CELF4: variants seen among roughly 807,000 people sequenced by gnomAD.
CELF4 encodes the protein CUGBP Elav-like family member 4, also known as CUG-BP- and ETR-3-like factor 4.
In CELF4, 18 loss-of-function variants were observed where a neutral mutation model predicts 59.9. The ratio of observed to expected loss-of-function variants is 0.30; its 90% CI spans 0.21 to 0.45. The LOEUF (loss-of-function observed/expected upper bound fraction) is 0.45. Among genes scored for constraint, CELF4 ranks in the 20% least tolerant of loss-of-function variants. The pLI is 1.00. For synonymous variants in CELF4, 261 were observed against 267.1 expected, an observed-to-expected ratio of 0.98 and a Z score of 0.22; for missense variants, 456 against 689.0, an observed-to-expected ratio of 0.66 and a Z score of 3.79.
intron 2 of CELF4, among the ~76,000 whole-genome samples, chr18:37,467,232 A>C (rs113901466): frequency 1.4e-3 from 214 of 152,278 alleles, no homozygotes; most frequent in African/African-American, 4.8e-3. Context: ...TTTTAGGTTA[A>C]ATAGAGTACT....
At chr18:37,287,287 T>G (rs1018997860) in intron 3 of CELF4, among the ~76,000 whole-genome samples, 1 of 152,236 alleles carries the variant, frequency 6.6e-6, no homozygotes, top group Non-Finnish European at 1.5e-5. Context: ...CCTCAGGCAC[T>G]GCGTCCCTGG....
intron 2 of CELF4, among the ~76,000 whole-genome samples, chr18:37,393,648 T>G (rs1046367891): frequency 3.3e-5 from 5 of 152,088 alleles, no homozygotes; most frequent in Non-Finnish European, 5.9e-5. Context: ...TGGGCTACAC[T>G]GGGTGGGGCT....
chr18:37,426,899 G>A (rs930846353), intron 2 of CELF4, among the ~76,000 whole-genome samples: 3 of 149,698 alleles, frequency 2.0e-5, no homozygotes, highest in East Asian at 2.0e-4. Flanking sequence ...TGGCTCTCCC[G>A]AAAAGCGATA....
At chr18:37,456,626 G>A (rs1440354364) in intron 2 of CELF4, among the ~76,000 whole-genome samples, 3 of 152,124 alleles carry the variant, frequency 2.0e-5, no homozygotes, top group Non-Finnish European at 2.9e-5. Context: ...CCTTTGGGTC[G>A]AAATTAGGAT....
chr18:37,435,984 G>C (rs1030868636), intron 2 of CELF4, among the ~76,000 whole-genome samples: 1 of 152,140 alleles, frequency 6.6e-6, no homozygotes, highest in Admixed American at 6.5e-5. Context: ...CAGGACCCCC[G>C]CTGCAGGGCC....
chr18:37,460,063 G>A (rs956297716), intron 2 of CELF4, among the ~76,000 whole-genome samples: 1 of 152,172 alleles, frequency 6.6e-6, no homozygotes, highest in East Asian at 1.9e-4. Flanking sequence ...TGGCCAAGGG[G>A]GAGGAAGTCG....
intron 1 of CELF4, among the ~76,000 whole-genome samples, chr18:37,501,914 T>C (rs2099932296): frequency 6.6e-6 from 1 of 152,138 alleles, no homozygotes; most frequent in African/African-American, 2.4e-5. Context: ...TTCCCCCTTC[T>C]CTCACCAAGG....
intron 11 of CELF4, 194 bp downstream of exon 11, chr18:37,258,987 G>C (rs1038632647): frequency 7.5e-5 from 54 of 722,550 alleles, no homozygotes; most frequent in Non-Finnish European, 1.1e-4. Context: ...GTGAGATGAG[G>C]CTGGTGAGGG....
At chr18:37,551,955 C>A in intron 1 of CELF4, among the ~76,000 whole-genome samples, 1 of 152,182 alleles carries the variant, frequency 6.6e-6, no homozygotes, top group Non-Finnish European at 1.5e-5. Flanking sequence ...TGCAGAGGGA[C>A]AAAAACAAAA....
intron 2 of CELF4, among the ~76,000 whole-genome samples, chr18:37,402,028 G>T (rs554562727): frequency 1.3e-5 from 2 of 152,324 alleles, no homozygotes; most frequent in South Asian, 2.1e-4. Flanking sequence ...CCATCAGTTT[G>T]CTGGGGAGTT....
At chr18:37,503,815 G>A (rs2099934455) in intron 1 of CELF4, among the ~76,000 whole-genome samples, 1 of 152,198 alleles carries the variant, frequency 6.6e-6, no homozygotes, top group Admixed American at 6.5e-5. Flanking sequence ...CCGCTTGAAT[G>A]TCAGGCAGTC....
intron 3 of CELF4, among the ~76,000 whole-genome samples, chr18:37,293,777 A>C (rs1191326028): frequency 1.3e-5 from 2 of 152,162 alleles, no homozygotes; most frequent in Non-Finnish European, 2.9e-5. Flanking sequence ...GGGGACTGTG[A>C]AGTCTTCGAA....
At chr18:37,305,807 AGGTAGGTT>A (rs2096363077) in intron 3 of CELF4, 3 of 152,264 alleles carry the variant, frequency 2.0e-5, no homozygotes, top group Admixed American at 2.0e-4. Flanking sequence ...GGGGCTACTA[AGGTAGGTT>A]GGTGTCTGGT....
At chr18:37,277,549 A>T (rs1257574338) in intron 3 of CELF4, among the ~76,000 whole-genome samples, 1 of 152,122 alleles carries the variant, frequency 6.6e-6, no homozygotes, top group Non-Finnish European at 1.5e-5. Flanking sequence ...GGGGAGAGAA[A>T]ATGGCAGGAA....
intron 2 of CELF4, among the ~76,000 whole-genome samples, chr18:37,389,577 A>G (rs1165183298): frequency 6.6e-6 from 1 of 152,056 alleles, no homozygotes; most frequent in African/African-American, 2.4e-5. Context: ...TCTGCTCACC[A>G]TGGCTGGACC....
At chr18:37,304,974 T>A (rs1330309625) in intron 3 of CELF4, among the ~76,000 whole-genome samples, 1 of 151,990 alleles carries the variant, frequency 6.6e-6, no homozygotes, top group Non-Finnish European at 1.5e-5. Context: ...TGGGGGAGCA[T>A]GGCTCAGGGA....
intron 1 of CELF4, 91 bp from the exon 2 acceptor site, chr18:37,485,698 C>T (rs2099879763): frequency 1.4e-6 from 1 of 706,080 alleles, no homozygotes; most frequent in Non-Finnish European, 2.0e-6. Flanking sequence ...GCTCCCGCCC[C>T]TCCCTGCCGC....
intron 7 of CELF4, 121 bp downstream of exon 7, chr18:37,272,895 G>C: frequency 1.0e-6 from 1 of 971,178 alleles, no homozygotes; most frequent in Non-Finnish European, 1.5e-6. Flanking sequence ...AAGTCCTCTC[G>C]GGCCCAGACA....
chr18:37,347,170 G>T (rs1054708266), intron 2 of CELF4, among the ~76,000 whole-genome samples: 7 of 152,218 alleles, frequency 4.6e-5, no homozygotes, highest in Admixed American at 1.3e-4. Flanking sequence ...TGACCCTGAG[G>T]GTGGGAAGTC....
Sources: gnomAD v4.1 joint callset for allele counts (sites outside exome capture counted in the v4.1 genomes callset) on GRCh38, gnomAD v4.1.1 for gene constraint, MANE v1.5 for transcripts, NCBI Gene and HGNC (gene_info 2026-07-23, HGNC 2026-07-21) for gene names.